ASTN2: variants seen among roughly 807,000 people sequenced by gnomAD.
The protein encoded by ASTN2 is astrotactin-2.
Under a neutral mutation model 139.8 loss-of-function variants are expected in ASTN2, and 54 were observed. That is an observed-to-expected ratio of 0.39 (90% CI 0.31 to 0.48). The LOEUF is 0.48. Ranked by LOEUF, ASTN2 falls within the 20% of genes least tolerant of loss-of-function variation. ASTN2 has a pLI of 0.95. For synonymous variants in ASTN2, 756 were observed against 719.5 expected (o/e 1.05, Z -0.81); for missense variants, 1,565 against 1,725.1 (o/e 0.91, Z 1.64).
chr9:116,484,943 G>A (rs1056079092), intron 20 of ASTN2, among the ~76,000 whole-genome samples: 1 of 152,174 alleles, frequency 6.6e-6, no homozygotes, highest in African/African-American at 2.4e-5. Flanking sequence ...GGGGCTGCAG[G>A]ATTCCAGTCC....
chr9:117,189,128 G>A (rs962961408), intron 3 of ASTN2, among the ~76,000 whole-genome samples: 3 of 152,136 alleles, frequency 2.0e-5, no homozygotes, highest in African/African-American at 7.2e-5. Flanking sequence ...ACACAAAAAA[G>A]GTGAGGATTG....
At chr9:116,572,287 C>T (rs1343123601) in intron 19 of ASTN2, among the ~76,000 whole-genome samples, 1 of 152,144 alleles carries the variant, frequency 6.6e-6, no homozygotes. Flanking sequence ...GTCAGCTGGC[C>T]GCCTTCCCCA....
chr9:116,975,114 A>G (rs1836308343), intron 10 of ASTN2, 94 bp downstream of exon 10: 2 of 1,308,434 alleles, frequency 1.5e-6, no homozygotes, highest in African/African-American at 3.0e-5. Context: ...CTAAACAGCA[A>G]GAACACTCCT....
intron 10 of ASTN2, among the ~76,000 whole-genome samples, chr9:116,901,961 G>C (rs1834021202): frequency 6.6e-6 from 1 of 152,162 alleles, no homozygotes; most frequent in Non-Finnish European, 1.5e-5. Flanking sequence ...GGAGGCAGAG[G>C]TTGCAGTGAG....
intron 13 of ASTN2, among the ~76,000 whole-genome samples, chr9:116,765,978 T>C (rs1284078368): frequency 6.6e-6 from 1 of 152,132 alleles, no homozygotes; most frequent in Non-Finnish European, 1.5e-5. Flanking sequence ...CTTGGGCAAA[T>C]AATTTTCTCT....
intron 2 of ASTN2, among the ~76,000 whole-genome samples, chr9:117,229,121 C>T (rs763155551): frequency 1.3e-5 from 2 of 152,188 alleles, no homozygotes; most frequent in Non-Finnish European, 2.9e-5. Flanking sequence ...AACAACTCCT[C>T]TCATCCCTGA....
At position 116,632,162 on chromosome 9, in the gene ASTN2, G is replaced by A. The variant is rs865786815; in HGVS notation, c.3073-11719C>T. Among the ~76,000 whole-genome samples, 39 of 35,522 alleles carry A rather than the reference G, an allele frequency of 1.1e-3. 1 individual carries two copies. The highest frequency in any genetic ancestry group is 4.5e-3 in the African/African-American group (36 of 7,982). 23.3% of individuals were successfully genotyped at this position (35,522 alleles called of 152,430 possible). A position where few individuals can be genotyped will look rare whatever the true frequency, so the allele number is the denominator to read the frequency against. On this transcript the variant is annotated intron_variant, in intron 17 of 22. Transcript: ENST00000313400. ...AGAGAGAGAGAGAGAGAGAGACAGA[G>A]AGAGAGAGAGAGAGAGAGAGAGGGA...
rs115302053 is a variant in ASTN2 at position 116,684,709 on chromosome 9, G to A, written c.2807-32916C>T. Reference sequence around the variant, plus strand: ...TGGGGTTGACTCCCATTCCCACTACGTCCCCTGTCAGCAAGAAGAACCCAG... The same window carrying A: ...TGGGGTTGACTCCCATTCCCACTACATCCCCTGTCAGCAAGAAGAACCCAG... On this transcript the variant is annotated intron_variant, in intron 16 of 22. Coordinates refer to ENST00000313400, the MANE Select transcript of ASTN2 (RefSeq NM_001365068.1). Among the ~76,000 whole-genome samples, 1,235 of 152,192 alleles carry A rather than the reference G, an allele frequency of 8.1e-3. 21 individuals carry two copies. Among genetic ancestry groups the A allele is most frequent in the African/African-American group, 0.029 (1,193 of 41,508 alleles).
intron 16 of ASTN2, chr9:116,697,232 G>T (rs1860907818): frequency 6.2e-6 from 1 of 161,148 alleles, no homozygotes; most frequent in Admixed American, 5.7e-5. Flanking sequence ...CACCAAATAT[G>T]AAAATAATCA....
chr9:116,769,725 T>A (rs1329883451), intron 13 of ASTN2, among the ~76,000 whole-genome samples: 6 of 152,190 alleles, frequency 3.9e-5, no homozygotes, highest in Non-Finnish European at 7.3e-5. Flanking sequence ...TCTTGCCTGA[T>A]GATCTCACTT....
intron 6 of ASTN2, among the ~76,000 whole-genome samples, chr9:117,021,980 A>T (rs1298211270): frequency 1.3e-5 from 2 of 152,160 alleles, no homozygotes; most frequent in Non-Finnish European, 2.9e-5. Flanking sequence ...AAAAACAAAC[A>T]CAATAACCAA....
At chr9:117,309,492 A>G (rs1005760686) in intron 1 of ASTN2, among the ~76,000 whole-genome samples, 4 of 152,198 alleles carry the variant, frequency 2.6e-5, no homozygotes, top group Admixed American at 6.5e-5. Context: ...CGTTTTTAAG[A>G]ATGACAACTC....
chr9:116,782,663 T>C (rs546640001), intron 13 of ASTN2, among the ~76,000 whole-genome samples: 5 of 152,334 alleles, frequency 3.3e-5, no homozygotes, highest in Admixed American at 1.3e-4. Context: ...GGGTTCCCTT[T>C]GGTCTTTATA....
chr9:117,349,538 A>C (rs990651508), intron 1 of ASTN2, among the ~76,000 whole-genome samples: 12 of 152,158 alleles, frequency 7.9e-5, no homozygotes, highest in African/African-American at 2.9e-4. Flanking sequence ...GTTCAGAAAA[A>C]ATACTGAAAA....
At chr9:116,621,472 T>C (rs1856150591) in intron 17 of ASTN2, among the ~76,000 whole-genome samples, 1 of 151,778 alleles carries the variant, frequency 6.6e-6, no homozygotes, top group South Asian at 2.1e-4. Context: ...CACATTCCAT[T>C]CTATGCCTGG....
At chr9:117,031,923 G>A (rs367968111) in intron 6 of ASTN2, among the ~76,000 whole-genome samples, 30 of 152,154 alleles carry the variant, frequency 2.0e-4, no homozygotes, top group African/African-American at 6.5e-4. Flanking sequence ...AGTATGACAC[G>A]TATGTAATAC....
chr9:116,463,631 G>C (rs963406562), intron 20 of ASTN2, among the ~76,000 whole-genome samples: 2 of 152,130 alleles, frequency 1.3e-5, no homozygotes, highest in African/African-American at 4.8e-5. Context: ...TCTGACAGTT[G>C]AATTAAACTA....
At chr9:116,739,881 T>A (rs1039992869) in intron 13 of ASTN2, among the ~76,000 whole-genome samples, 1 of 152,180 alleles carries the variant, frequency 6.6e-6, no homozygotes, top group Non-Finnish European at 1.5e-5. Flanking sequence ...CATGACCACA[T>A]CTATTATGAA....
intron 7 of ASTN2, among the ~76,000 whole-genome samples, chr9:116,986,167 C>T (rs544709412): frequency 3.6e-5 from 5 of 137,396 alleles, no homozygotes; most frequent in African/African-American, 8.6e-5. Context: ...GCTGCCCCCC[C>T]CCACCCCCCT....
Sources: gnomAD v4.1 joint callset for allele counts (sites outside exome capture counted in the v4.1 genomes callset) on GRCh38, gnomAD v4.1.1 for gene constraint, MANE v1.5 for transcripts, NCBI Gene and HGNC (gene_info 2026-07-23, HGNC 2026-07-21) for gene names.